NR6A1: variants seen among roughly 807,000 people sequenced by gnomAD.
NR6A1 encodes nuclear receptor subfamily 6 group A member 1.
A neutral mutation model predicts 59.1 loss-of-function variants in NR6A1; 7 were observed. That is an observed-to-expected ratio of 0.12 (90% CI 0.07 to 0.22). NR6A1 has a LOEUF of 0.22. Ranked by LOEUF, NR6A1 falls within the 10% of genes least tolerant of loss-of-function variation. The pLI is 1.00. For missense variants in NR6A1, 468 were observed against 611.6 expected, an observed-to-expected ratio of 0.77 and a Z score of 2.48; for synonymous variants, 243 against 236.1, an observed-to-expected ratio of 1.03 and a Z score of -0.27.
intron 8 of NR6A1, 78 bp downstream of exon 8, chr9:124,526,701 G>A (rs1439181149): frequency 3.2e-6 from 5 of 1,581,536 alleles, no homozygotes; most frequent in Non-Finnish European, 4.3e-6. Flanking sequence ...AGGGTAAGGA[G>A]GGGTGAAACA....
At chr9:124,682,800 T>C (rs1201305831) in intron 2 of NR6A1, among the ~76,000 whole-genome samples, 1 of 152,196 alleles carries the variant, frequency 6.6e-6, no homozygotes, top group Non-Finnish European at 1.5e-5. Flanking sequence ...TGGACAATAA[T>C]TCTTTCTTTG....
At chr9:124,613,041 A>G (rs1160450686) in intron 2 of NR6A1, among the ~76,000 whole-genome samples, 1 of 152,184 alleles carries the variant, frequency 6.6e-6, no homozygotes, top group African/African-American at 2.4e-5. Flanking sequence ...AGCTAAATAA[A>G]TTTTAAAATT....
At chr9:124,696,847 A>G (rs1192121892) in intron 2 of NR6A1, among the ~76,000 whole-genome samples, 2 of 152,066 alleles carry the variant, frequency 1.3e-5, no homozygotes, top group Non-Finnish European at 2.9e-5. Context: ...TAGTAGAGAC[A>G]GGATTTTGCC....
chr9:124,665,598 A>G (rs1380160385), intron 2 of NR6A1, among the ~76,000 whole-genome samples: 1 of 152,238 alleles, frequency 6.6e-6, no homozygotes, highest in Non-Finnish European at 1.5e-5. Context: ...ATCATGATAC[A>G]CAGGAGCATT....
chr9:124,589,485 A>T (rs1359010291), intron 2 of NR6A1, among the ~76,000 whole-genome samples: 4 of 152,168 alleles, frequency 2.6e-5, no homozygotes, highest in African/African-American at 4.8e-5. Flanking sequence ...AAAAAAATAA[A>T]CATAAATGCA....
At chr9:124,731,584 T>C (rs1366278501) in intron 2 of NR6A1, among the ~76,000 whole-genome samples, 1 of 152,140 alleles carries the variant, frequency 6.6e-6, no homozygotes, top group East Asian at 1.9e-4. Flanking sequence ...TCACCTCCTC[T>C]ACCTCTTTCA....
chr9:124,759,754 C>T (rs1840736050), intron 1 of NR6A1, among the ~76,000 whole-genome samples: 1 of 152,170 alleles, frequency 6.6e-6, no homozygotes, highest in Non-Finnish European at 1.5e-5. Flanking sequence ...TTAAAACCAA[C>T]ATGAGGCCAG....
chr9:124,559,712 G>A, intron 2 of NR6A1, among the ~76,000 whole-genome samples: 1 of 152,164 alleles, frequency 6.6e-6, no homozygotes, highest in East Asian at 1.9e-4. Context: ...GGAACACAGA[G>A]GTTGCAGTGA....
At position 124,521,717 on chromosome 9, in the gene NR6A1, A is replaced by C. The variant is rs1832807261; in HGVS notation, c.*988T>G. ...TACCCTTTGAAGAAAACAAGGTGAAAGGAGAATAAATCAGTAGTGGGCACC... is the reference window on the plus strand; with the variant it reads ...TACCCTTTGAAGAAAACAAGGTGAACGGAGAATAAATCAGTAGTGGGCACC... On this transcript the variant is annotated 3_prime_UTR_variant, in exon 10 of 10. Transcript: ENST00000487099. 1 of 152,190 alleles carries C rather than the reference A, an allele frequency of 6.6e-6. No individual in the cohort carries two copies. Among genetic ancestry groups the C allele is most frequent in the East Asian group, 1.9e-4 (1 of 5,196 alleles). 9.4% of individuals were successfully genotyped at this position (152,190 alleles called of 1,614,324 possible).
chr9:124,611,678 G>T (rs926257351), intron 2 of NR6A1, among the ~76,000 whole-genome samples: 1 of 151,464 alleles, frequency 6.6e-6, no homozygotes, highest in Non-Finnish European at 1.5e-5. Flanking sequence ...GAGCCTAGGA[G>T]GTCGAGGCTC....
At position 124,538,250 on chromosome 9, in the gene NR6A1, A is replaced by G; in HGVS notation, c.666T>C (p.His222=). Reference sequence around the variant, plus strand: ...TAAAAAGGTGCGGTATATATTGGTAATGTGGAGGCACAGACATTCCCATGT... The same window carrying G: ...TAAAAAGGTGCGGTATATATTGGTAGTGTGGAGGCACAGACATTCCCATGT... ...EQYMGMSVPP[H]YQYIPHLFSY... The change falls in exon 6 of 10, where the codon CAT becomes CAC. Residue 222 remains histidine (H), a synonymous_variant. Transcript: ENST00000487099. 1 of 1,614,182 alleles carries G rather than the reference A, an allele frequency of 6.2e-7. No homozygotes were observed. Among genetic ancestry groups the G allele is most frequent in the South Asian group, 1.1e-5 (1 of 91,076 alleles).
intron 1 of NR6A1, among the ~76,000 whole-genome samples, chr9:124,765,065 A>T (rs1840891847): frequency 6.6e-6 from 1 of 152,228 alleles, no homozygotes; most frequent in Admixed American, 6.5e-5. Flanking sequence ...AGAGTTTACA[A>T]TTAGAATCCA....
chr9:124,598,755 G>A (rs780258875), intron 2 of NR6A1: 24 of 915,476 alleles, frequency 2.6e-5, no homozygotes, highest in East Asian at 9.5e-5. Flanking sequence ...CTCCTTCACC[G>A]AAAGAGCTTC....
At chr9:124,728,637 A>AAAATAAAT (rs57250774) in intron 2 of NR6A1, among the ~76,000 whole-genome samples, 8,042 of 144,810 alleles carry the variant, frequency 0.056, 294 homozygotes, top group African/African-American at 0.097. Context: ...TCCGCCTCAA[A>AAAATAAAT]AAATAAATAA....
At chr9:124,768,369 G>GA (rs1229635449) in intron 1 of NR6A1, among the ~76,000 whole-genome samples, 6 of 152,080 alleles carry the variant, frequency 3.9e-5, no homozygotes, top group Non-Finnish European at 8.8e-5. Flanking sequence ...AAGCAAAAAA[G>GA]AAAAAATGTG....
chr9:124,602,580 C>T (rs1490104580), intron 2 of NR6A1, among the ~76,000 whole-genome samples: 1 of 152,204 alleles, frequency 6.6e-6, no homozygotes, highest in East Asian at 1.9e-4. Flanking sequence ...GTTAGTTTTT[C>T]CAAGCCAACT....
chr9:124,625,346 G>T (rs1836206368), intron 2 of NR6A1, among the ~76,000 whole-genome samples: 2 of 152,146 alleles, frequency 1.3e-5, no homozygotes, highest in African/African-American at 4.8e-5. Context: ...TATTATTATT[G>T]AGATAGTGTC....
intron 9 of NR6A1, among the ~76,000 whole-genome samples, chr9:124,523,190 G>A (rs749091806): frequency 3.3e-5 from 5 of 152,024 alleles, no homozygotes; most frequent in Non-Finnish European, 5.9e-5. Context: ...CTCAACCCCC[G>A]GTAGATTTTC....
chr9:124,595,091 TAATA>T (rs1353354753), intron 2 of NR6A1, among the ~76,000 whole-genome samples: 1 of 152,210 alleles, frequency 6.6e-6, no homozygotes, highest in Non-Finnish European at 1.5e-5. Context: ...CTGGCCTAAA[TAATA>T]AAGTTGTGGA....
Sources: allele counts gnomAD v4.1 joint callset (sites outside exome capture counted in the v4.1 genomes callset), GRCh38; gene constraint gnomAD v4.1.1; transcripts MANE v1.5; gene names NCBI Gene and HGNC (gene_info 2026-07-23, HGNC 2026-07-21).